DYM: variants seen among roughly 807,000 people sequenced by gnomAD.
The protein encoded by DYM is dymeclin.
In DYM, 78 loss-of-function variants were observed where a neutral mutation model predicts 93.1. That is an observed-to-expected ratio of 0.84 (90% CI 0.70 to 1.01). The LOEUF (loss-of-function observed/expected upper bound fraction) is 1.01, where lower values mean the gene tolerates loss of function less well. Ranked by LOEUF, DYM falls within the 50% of genes least tolerant of loss-of-function variation. The probability of loss-of-function intolerance (pLI) is 0.00; values close to 1 mark genes in which losing one functional copy is unlikely to be tolerated. For missense variants in DYM, 789 were observed against 845.0 expected, an observed-to-expected ratio of 0.93 and a Z score of 0.82; for synonymous variants, 321 against 319.7, an observed-to-expected ratio of 1.00 and a Z score of -0.04.
chr18:49,352,589 C>G (rs1039947112), intron 6 of DYM, among the ~76,000 whole-genome samples: 17 of 152,062 alleles, frequency 1.1e-4, no homozygotes, highest in African/African-American at 4.1e-4. Context: ...TTGAATTGTT[C>G]TACATTATAA....
chr18:49,148,181 C>T (rs959934798), intron 15 of DYM, among the ~76,000 whole-genome samples: 19 of 151,818 alleles, frequency 1.3e-4, no homozygotes, highest in African/African-American at 2.7e-4. Flanking sequence ...CATCACACAC[C>T]GGGGCCTGTT....
At chr18:49,442,794 A>T (rs2081761616) in intron 1 of DYM, among the ~76,000 whole-genome samples, 1 of 152,082 alleles carries the variant, frequency 6.6e-6, no homozygotes, top group Non-Finnish European at 1.5e-5. Context: ...TCATTGCCTA[A>T]ATCATAAATT....
intron 8 of DYM, among the ~76,000 whole-genome samples, chr18:49,312,645 C>T (rs542132518): frequency 6.6e-6 from 1 of 152,248 alleles, no homozygotes; most frequent in South Asian, 2.1e-4. Flanking sequence ...CCTGCATATC[C>T]TCATTCTTCT....
At chr18:49,327,015 GT>G (rs2062932809) in intron 8 of DYM, among the ~76,000 whole-genome samples, 1 of 145,718 alleles carries the variant, frequency 6.9e-6, no homozygotes, top group African/African-American at 2.6e-5. Flanking sequence ...GTGTGTGTGT[GT>G]GTGTGTGTGT....
At chr18:49,170,763 A>G (rs1161890569) in intron 14 of DYM, among the ~76,000 whole-genome samples, 3 of 146,128 alleles carry the variant, frequency 2.1e-5, no homozygotes, top group Admixed American at 1.4e-4. Flanking sequence ...CCTGGGCAAC[A>G]AAGTGAGACT....
intron 17 of DYM, among the ~76,000 whole-genome samples, chr18:49,063,615 CTCTCT>C (rs1212019060): frequency 1.8e-4 from 23 of 128,974 alleles, no homozygotes; most frequent in African/African-American, 5.6e-4. Flanking sequence ...CTTTCTTTCT[CTCTCT>C]TTTTTTTTTT....
chr18:49,101,228 T>C (rs1399028013), intron 16 of DYM, among the ~76,000 whole-genome samples: 1 of 152,160 alleles, frequency 6.6e-6, no homozygotes, highest in Admixed American at 6.5e-5. Flanking sequence ...AAGTAAAACC[T>C]TTAGTGAAAG....
intron 14 of DYM, among the ~76,000 whole-genome samples, chr18:49,192,394 T>A (rs2091062906): frequency 6.6e-6 from 1 of 152,220 alleles, no homozygotes. Flanking sequence ...TTCCAGTAGT[T>A]TAACAGTTTC....
At chr18:49,209,356 C>T (rs1456756504) in intron 14 of DYM, among the ~76,000 whole-genome samples, 195 bp downstream of exon 14, 1 of 152,180 alleles carries the variant, frequency 6.6e-6, no homozygotes, top group African/African-American at 2.4e-5. Flanking sequence ...TCCCGTGAAA[C>T]ATAATATAAA....
At chr18:49,360,498 T>G (rs2065926957) in intron 6 of DYM, among the ~76,000 whole-genome samples, 1 of 151,986 alleles carries the variant, frequency 6.6e-6, no homozygotes, top group Non-Finnish European at 1.5e-5. Context: ...GGCGCTCGTC[T>G]GTAATCCCAG....
chr18:49,322,787 G>A (rs552662921), intron 8 of DYM, among the ~76,000 whole-genome samples: 110 of 152,166 alleles, frequency 7.2e-4, no homozygotes, highest in African/African-American at 2.4e-3. Context: ...AATAATATCT[G>A]ATACTAATAG....
intron 14 of DYM, among the ~76,000 whole-genome samples, chr18:49,194,750 AT>A (rs1042859862): frequency 2.8e-4 from 42 of 151,956 alleles, no homozygotes; most frequent in South Asian, 6.2e-4. Context: ...ACACAAAAAA[AT>A]ATTTTAAAAA....
chr18:49,358,903 C>A (rs1481608709), intron 6 of DYM, among the ~76,000 whole-genome samples: 1 of 152,140 alleles, frequency 6.6e-6, no homozygotes, highest in Non-Finnish European at 1.5e-5. Context: ...AAAATAACTT[C>A]CATTTCTTAA....
intron 6 of DYM, among the ~76,000 whole-genome samples, chr18:49,350,372 C>A (rs1197469968): frequency 6.6e-6 from 1 of 152,082 alleles, no homozygotes; most frequent in Non-Finnish European, 1.5e-5. Flanking sequence ...GTGATAAAAG[C>A]AACTTACAGA....
chr18:49,317,580 TCTCTCTCTCTCTCTCTC>T, intron 8 of DYM, among the ~76,000 whole-genome samples: 2 of 11,744 alleles, frequency 1.7e-4, no homozygotes, highest in East Asian at 4.3e-3. Context: ...TCTCTCTCTC[TCTCTCTCTCTCTCTCTC>T]CCCCCTCCCC....
chr18:49,455,477 G>A (rs1223736535), intron 1 of DYM, among the ~76,000 whole-genome samples: 3 of 152,164 alleles, frequency 2.0e-5, no homozygotes, highest in East Asian at 1.9e-4. Flanking sequence ...GTACATAGAG[G>A]TATTTTCATT....
chr18:49,069,999 C>T (rs887492424), intron 17 of DYM, among the ~76,000 whole-genome samples: 9 of 152,194 alleles, frequency 5.9e-5, no homozygotes, highest in Non-Finnish European at 1.0e-4. Flanking sequence ...CAAGATCGCG[C>T]CACAGCACTC....
chr18:49,289,735 A>G (rs1270687789), intron 8 of DYM, among the ~76,000 whole-genome samples: 1,426 of 13,898 alleles, frequency 0.1, 72 homozygotes, highest in East Asian at 0.31. Context: ...GTGTATATAT[A>G]TATATATATA....
intron 15 of DYM, among the ~76,000 whole-genome samples, chr18:49,147,892 G>T (rs189930554): frequency 6.6e-6 from 1 of 152,092 alleles, no homozygotes; most frequent in Non-Finnish European, 1.5e-5. Context: ...ACACATGCAC[G>T]TGTATGTTTA....
Sources: gnomAD v4.1 joint callset for allele counts (sites outside exome capture counted in the v4.1 genomes callset) on GRCh38, gnomAD v4.1.1 for gene constraint, MANE v1.5 for transcripts, NCBI Gene and HGNC (gene_info 2026-07-23, HGNC 2026-07-21) for gene names.